The following KANSL1 variants were observed in gnomAD, a reference collection of about 807,000 sequenced individuals.
KANSL1 encodes the protein MLL1/MLL complex subunit KANSL1.
A neutral mutation model predicts 103.6 loss-of-function variants in KANSL1; 22 were observed. The observed-to-expected ratio is 0.21, with a 90% CI of 0.15 to 0.30. The LOEUF (loss-of-function observed/expected upper bound fraction) is 0.30. Ranked by LOEUF, KANSL1 falls within the 10% of genes least tolerant of loss-of-function variation. The pLI, the probability that KANSL1 is intolerant of heterozygous loss-of-function variation, is 1.00. For synonymous variants in KANSL1, 600 were observed against 527.6 expected, an observed-to-expected ratio of 1.14 and a Z score of -1.88; for missense variants, 1,337 against 1,399.8, an observed-to-expected ratio of 0.96 and a Z score of 0.72.
intron 2 of KANSL1, among the ~76,000 whole-genome samples, chr17:46,166,627 C>A (rs1354582211): frequency 6.6e-6 from 1 of 152,190 alleles, no homozygotes; most frequent in Non-Finnish European, 1.5e-5. Context: ...TTTTACCCAA[C>A]CCTGATCTGA....
chr17:46,073,638 A>G (rs368154922), intron 4 of KANSL1, among the ~76,000 whole-genome samples: 8 of 151,910 alleles, frequency 5.3e-5, no homozygotes, highest in African/African-American at 1.9e-4. Context: ...AAAATTAACA[A>G]TGCGGGGTGG....
intron 6 of KANSL1, among the ~76,000 whole-genome samples, chr17:46,059,880 G>A (rs1344278434): frequency 6.6e-6 from 1 of 151,698 alleles, no homozygotes; most frequent in African/African-American, 2.4e-5. Flanking sequence ...TTTTTGAGAT[G>A]AAGAGATTGC....
intron 1 of KANSL1, among the ~76,000 whole-genome samples, chr17:46,184,612 A>ATT (rs1491118610): frequency 1.3e-5 from 2 of 152,134 alleles, no homozygotes; most frequent in Non-Finnish European, 2.9e-5. Flanking sequence ...CACCTGAAAC[A>ATT]TATGTTTCCT....
At chr17:46,193,684 C>A (rs754724579), upstream of KANSL1, 46 of 302,354 alleles carry the variant, frequency 1.5e-4, no homozygotes, top group South Asian at 1.0e-3. Context: ...CCCGGACGTG[C>A]GGCGACGGCA....
At chr17:46,134,798 T>C (rs2044039694) in intron 2 of KANSL1, among the ~76,000 whole-genome samples, 1 of 151,742 alleles carries the variant, frequency 6.6e-6, no homozygotes, top group South Asian at 2.1e-4. Context: ...TGAGCTAAGG[T>C]GGTGCCACTG....
In KANSL1 at chr17:46,193,002, C is replaced by CG. The variant is rs1004260635; in HGVS notation, c.-270dup. On this transcript the variant is annotated 5_prime_UTR_variant, in exon 1 of 15. Transcript: ENST00000432791. ...CCCGGAGCCGCCCTGACTTTCCGGG[C>CG]GGGGGGGCGAGGCAGAGGGGGAGGG... is the stretch of plus-strand genomic sequence containing the variant. The CG allele has an allele frequency of 2.8e-4, 42 of 151,814 alleles. No individual in the cohort carries two copies. In the East Asian group the frequency reaches 3.9e-3, roughly 14 times the overall value. The allele number at this position is 151,814 out of a possible 1,614,324, so 9.4% of individuals were successfully genotyped here.
Position 46,171,771 on chromosome 17 carries a change from A to G in KANSL1, c.373T>C (p.Leu125=), listed in dbSNP as rs1486142624. 2 of 1,605,664 alleles carry G rather than the reference A, an allele frequency of 1.2e-6. No individual in the cohort carries two copies. The highest frequency in any genetic ancestry group is 2.2e-5 in the East Asian group (1 of 44,754). ...SQSYELRAEL[L]GRQPVLEFSL... Reference sequence around the variant, plus strand: ...AACTCCAAAACTGGCTGTCTCCCCAACAGCTCAGCTCGGAGTTCATAGGAC... The same window carrying G: ...AACTCCAAAACTGGCTGTCTCCCCAGCAGCTCAGCTCGGAGTTCATAGGAC... Residue 125 remains leucine, a synonymous_variant, in exon 2 of 15, where the codon TTG becomes CTG. Transcript: ENST00000432791.
chr17:46,044,475 CAT>C (rs1295520073), intron 7 of KANSL1: 1 of 152,182 alleles, frequency 6.6e-6, no homozygotes, highest in Non-Finnish European at 1.5e-5. Context: ...GCTGTAGCCT[CAT>C]GTGCAGGGTT....
At chr17:46,186,383 C>CAAA (rs371176514) in intron 1 of KANSL1, among the ~76,000 whole-genome samples, 78 of 111,408 alleles carry the variant, frequency 7.0e-4, no homozygotes, top group Non-Finnish European at 9.5e-4. Context: ...GACTGTGTCT[C>CAAA]AAAAAAAAAA....
intron 1 of KANSL1, chr17:46,223,584 A>C (rs897234119): frequency 1.3e-5 from 2 of 150,980 alleles, no homozygotes; most frequent in African/African-American, 4.9e-5. Flanking sequence ...GGAAGTGAAG[A>C]ATAGCAAATT....
chr17:46,133,810 G>A (rs1469000377), intron 2 of KANSL1, among the ~76,000 whole-genome samples: 1 of 152,214 alleles, frequency 6.6e-6, no homozygotes, highest in African/African-American at 2.4e-5. Context: ...GACCACTTCA[G>A]TTGCAATATA....
chr17:46,035,580 C>T (rs573881024), intron 10 of KANSL1: 1 of 152,302 alleles, frequency 6.6e-6, no homozygotes, highest in South Asian at 2.1e-4. Context: ...GTTAAACAGA[C>T]TTTTGGGGAT....
intron 2 of KANSL1, among the ~76,000 whole-genome samples, chr17:46,121,996 T>C (rs1476582560): frequency 6.6e-6 from 1 of 152,254 alleles, no homozygotes; most frequent in East Asian, 1.9e-4. Context: ...AAGACTGTAC[T>C]GAAAGTGAAA....
chr17:46,154,349 T>G (rs1002646852), intron 2 of KANSL1, among the ~76,000 whole-genome samples: 6 of 152,262 alleles, frequency 3.9e-5, no homozygotes, highest in African/African-American at 1.4e-4. Context: ...CTACTTGCAA[T>G]GCTCACTGCA....
intron 3 of KANSL1, 107 bp downstream of exon 3, chr17:46,094,453 A>G: frequency 7.7e-7 from 1 of 1,300,514 alleles, no homozygotes. Context: ...TTACTTTGCA[A>G]TAGTTAAGAA....
chr17:46,067,438 T>C lies in KANSL1; in HGVS notation c.1652+111A>G, dbSNP rs558106153. On this transcript the variant is annotated intron_variant, in intron 5 of 14. Transcript: ENST00000432791. ...GAAGATTAAAAATGTTACTAAGTGA[T>C]AAGGCTTCCGCTTCTTTAAACCAGG... 1.1e-4 allele frequency: 82 copies of C among 726,374 alleles called. 1 individual carries two copies. The highest frequency in any genetic ancestry group is 1.1e-3 in the South Asian group (70 of 63,662). The allele number at this position is 726,374 out of a possible 1,614,324, so 45.0% of individuals were successfully genotyped here. A position where few individuals can be genotyped will look rare whatever the true frequency, so the allele number is the denominator to read the frequency against.
intron 6 of KANSL1, among the ~76,000 whole-genome samples, chr17:46,053,350 G>C (rs1003157712): frequency 6.6e-6 from 1 of 152,044 alleles, no homozygotes; most frequent in Non-Finnish European, 1.5e-5. Context: ...CTTGACAAAA[G>C]GGTAATGTGC....
chr17:46,170,760 T>A lies in KANSL1; in HGVS notation c.1289+95A>T. ...AACAAACAGAACCTAGACACCTATG[T>A]ACAAAGAATCACATTCTCTCCATAA... On this transcript the variant is annotated intron_variant, in intron 2 of 14. Coordinates refer to ENST00000432791, the MANE Select transcript of KANSL1 (RefSeq NM_015443.4). 2.2e-6 allele frequency: 3 copies of A among 1,347,856 alleles called. No individual in the cohort carries two copies. In the Admixed American group the frequency reaches 6.8e-5, roughly 30 times the overall value. The allele number at this position is 1,347,856 out of a possible 1,614,324, so 83.5% of individuals were successfully genotyped here.
rs1288054246 is a variant in KANSL1, at chr17:46,192,984, C to A, written c.-251G>T. The A allele has an allele frequency of 6.6e-6, 1 of 151,700 alleles. No homozygotes were observed. The highest frequency in any genetic ancestry group is 1.5e-5 in the Non-Finnish European group (1 of 67,986). The allele number at this position is 151,700 out of a possible 1,614,324, so 9.4% of individuals were successfully genotyped here. On this transcript the variant is annotated 5_prime_UTR_variant, in exon 1 of 15. Transcript: ENST00000432791. Reference sequence around the variant, plus strand: ...GCTCTCCTCCCCCCGACGCCCGGAGCCGCCCTGACTTTCCGGGCGGGGGGG... The same window carrying A: ...GCTCTCCTCCCCCCGACGCCCGGAGACGCCCTGACTTTCCGGGCGGGGGGG...
Sources: allele counts gnomAD v4.1 joint callset (sites outside exome capture counted in the v4.1 genomes callset), GRCh38; gene constraint gnomAD v4.1.1; transcripts MANE v1.5; gene names NCBI Gene and HGNC (gene_info 2026-07-23, HGNC 2026-07-21).